CLIP1: variants seen among roughly 807,000 people sequenced by gnomAD.
The protein encoded by CLIP1 is CAP-Gly domain-containing linker protein 1.
A neutral mutation model predicts 161.6 loss-of-function variants in CLIP1; 66 were observed. That is an observed-to-expected ratio of 0.41 (90% CI 0.33 to 0.50). The LOEUF (loss-of-function observed/expected upper bound fraction) is 0.50. Ranked by LOEUF, CLIP1 falls within the 20% of genes least tolerant of loss-of-function variation. The pLI is 0.27. For missense variants in CLIP1, 1,376 were observed against 1,702.0 expected (o/e 0.81, Z 3.37); for synonymous variants, 598 against 626.2 (o/e 0.96, Z 0.67).
chr12:122,278,239 AGG>A, intron 23 of CLIP1, 36 bp from the exon 24 acceptor site: 1 of 1,444,300 alleles, frequency 6.9e-7, no homozygotes, highest in Non-Finnish European at 9.5e-7. Flanking sequence ...AAACAAGTGG[AGG>A]GAGAATATAT....
At chr12:122,358,436 TAAAAAAA>T (rs1189999010) in intron 5 of CLIP1, among the ~76,000 whole-genome samples, 3 of 94,946 alleles carry the variant, frequency 3.2e-5, no homozygotes, top group Admixed American at 1.2e-4. Flanking sequence ...AATGAACAAT[TAAAAAAA>T]AAAAAAGAAA....
At chr12:122,370,410 G>A (rs376899458) in intron 3 of CLIP1, among the ~76,000 whole-genome samples, 10 of 152,136 alleles carry the variant, frequency 6.6e-5, no homozygotes, top group African/African-American at 1.7e-4. Flanking sequence ...AACAACTTCC[G>A]GTGCATAGCA....
At chr12:122,375,861 A>G (rs1954700439) in intron 3 of CLIP1, among the ~76,000 whole-genome samples, 1 of 145,872 alleles carries the variant, frequency 6.9e-6, no homozygotes, top group South Asian at 2.1e-4. Context: ...TGACATAATC[A>G]TAGTTCCCTG....
At chr12:122,338,874 G>A (rs1276624285) in intron 11 of CLIP1, among the ~76,000 whole-genome samples, 1 of 152,124 alleles carries the variant, frequency 6.6e-6, no homozygotes, top group Non-Finnish European at 1.5e-5. Context: ...ACCACATGAG[G>A]AGATTTGAGA....
chr12:122,274,340 G>A (rs1955304438), intron 24 of CLIP1, 178 bp from the exon 25 acceptor site: 1 of 540,116 alleles, frequency 1.9e-6, no homozygotes, highest in Non-Finnish European at 3.3e-6. Flanking sequence ...CTGAGATTGT[G>A]TGAGTAAAGA....
chr12:122,306,466 A>G (rs1950877842), intron 20 of CLIP1, among the ~76,000 whole-genome samples: 1 of 152,162 alleles, frequency 6.6e-6, no homozygotes, highest in African/African-American at 2.4e-5. Flanking sequence ...GCATTCATTC[A>G]AACCTACACG....
intron 1 of CLIP1, among the ~76,000 whole-genome samples, chr12:122,383,512 T>C (rs1955101608): frequency 6.6e-6 from 1 of 152,214 alleles, no homozygotes; most frequent in African/African-American, 2.4e-5. Flanking sequence ...CCAATCCTCA[T>C]GCCTCTGGTT....
chr12:122,307,361 G>C lies in CLIP1; in HGVS notation c.3594+2401C>G, dbSNP rs547581387. Among the ~76,000 whole-genome samples, 47 of 152,080 alleles carry C rather than the reference G, an allele frequency of 3.1e-4. 1 individual carries two copies. The highest frequency in any genetic ancestry group is 1.1e-3 in the African/African-American group (46 of 41,478). On this transcript the variant is annotated intron_variant, in intron 20 of 25. Coordinates refer to ENST00000620786, the MANE Select transcript of CLIP1 (RefSeq NM_001247997.2). The stretch of plus-strand genomic sequence containing the variant: ...CTAAAAATAATCCTACTATCTCTGA[G>C]GTAGGTTGTGATGATTCCATGAAAT...
intron 1 of CLIP1, among the ~76,000 whole-genome samples, chr12:122,412,097 C>A: frequency 7.9e-6 from 1 of 126,058 alleles, no homozygotes; most frequent in Non-Finnish European, 1.6e-5. Flanking sequence ...GAGACAGGCT[C>A]TCACTCTGAC....
chr12:122,315,522 A>C (rs1951225688), intron 19 of CLIP1, among the ~76,000 whole-genome samples: 1 of 152,242 alleles, frequency 6.6e-6, no homozygotes, highest in South Asian at 2.1e-4. Context: ...TAGCATCAAC[A>C]AAGGAAGTAT....
intron 20 of CLIP1, among the ~76,000 whole-genome samples, chr12:122,301,067 T>C (rs1027329343): frequency 6.6e-6 from 1 of 152,012 alleles, no homozygotes; most frequent in East Asian, 1.9e-4. Context: ...GTCAATGTCA[T>C]GAAAGACAAA....
intron 3 of CLIP1, chr12:122,364,653 C>T (rs1012610402): frequency 4.7e-6 from 2 of 426,528 alleles, no homozygotes; most frequent in Admixed American, 5.4e-5. Flanking sequence ...GATCTGCCCA[C>T]CTCAGCTTCC....
chr12:122,333,685 C>T (rs958989939), intron 14 of CLIP1, among the ~76,000 whole-genome samples: 1 of 152,192 alleles, frequency 6.6e-6, no homozygotes, highest in African/African-American at 2.4e-5. Context: ...ATTGCTGTGG[C>T]TGCTGTGTTG....
At chr12:122,408,341 C>A (rs1386282060) in intron 1 of CLIP1, among the ~76,000 whole-genome samples, 2 of 150,684 alleles carry the variant, frequency 1.3e-5, no homozygotes, top group African/African-American at 2.4e-5. Flanking sequence ...TGAGACATTT[C>A]TTTATTTTTT....
At chr12:122,354,830 T>G in intron 6 of CLIP1, 1 of 576,518 alleles carries the variant, frequency 1.7e-6, no homozygotes, top group South Asian at 2.2e-5. Context: ...CTATAATCAA[T>G]CATTGGTAAG....
intron 1 of CLIP1, among the ~76,000 whole-genome samples, chr12:122,417,631 G>A (rs1283330558): frequency 6.7e-6 from 1 of 148,946 alleles, no homozygotes; most frequent in Admixed American, 6.9e-5. Context: ...TCCTGCCTCA[G>A]CCTCCTGAGT....
intron 24 of CLIP1, chr12:122,277,352 GTT>G (rs66999720): frequency 0.33 from 47,212 of 140,950 alleles, 7,792 homozygotes; most frequent in East Asian, 0.65. Flanking sequence ...TGTTTTTTTT[GTT>G]TTTTTTTTTT....
At chr12:122,328,233 C>A (rs1267933190) in intron 16 of CLIP1, 28 bp downstream of exon 16, 1 of 1,613,354 alleles carries the variant, frequency 6.2e-7, no homozygotes. Flanking sequence ...TCCTTGCCAG[C>A]CAACAGGCCC....
intron 4 of CLIP1, among the ~76,000 whole-genome samples, chr12:122,363,242 G>A (rs1281806885): frequency 6.6e-6 from 1 of 152,192 alleles, no homozygotes; most frequent in Non-Finnish European, 1.5e-5. Flanking sequence ...GCTCACACCT[G>A]TAATACCAGC....
Sources: allele counts gnomAD v4.1 joint callset (sites outside exome capture counted in the v4.1 genomes callset), GRCh38; gene constraint gnomAD v4.1.1; transcripts MANE v1.5; gene names NCBI Gene and HGNC (gene_info 2026-07-23, HGNC 2026-07-21).